The following SAFB variants were observed in gnomAD, a reference collection of about 807,000 sequenced individuals.
SAFB encodes the protein scaffold attachment factor B1.
SAFB carries 15 observed loss-of-function variants against 101.6 expected under a neutral mutation model. The ratio of observed to expected loss-of-function variants is 0.15; its 90% CI spans 0.10 to 0.23. The LOEUF (loss-of-function observed/expected upper bound fraction) is 0.23. SAFB is among the 10% of genes least tolerant of loss of function. The pLI is 1.00. For synonymous variants in SAFB, 449 were observed against 407.5 expected, an observed-to-expected ratio of 1.10 and a Z score of -1.23; for missense variants, 930 against 1,104.1, an observed-to-expected ratio of 0.84 and a Z score of 2.23.
intron 2 of SAFB, among the ~76,000 whole-genome samples, chr19:5,630,674 T>A (rs1027958802): frequency 6.6e-6 from 1 of 151,110 alleles, no homozygotes; most frequent in Non-Finnish European, 1.5e-5. Context: ...GAAAATCGCT[T>A]GAACCCGGGA....
At position 5,661,775 on chromosome 19, in the gene SAFB, G is replaced by A. The variant is rs758546855; in HGVS notation, c.2120G>A (p.Arg707Gln). Residue 707 changes from arginine to glutamine, a missense_variant, in exon 15 of 21, where the codon CGG (arginine) becomes CAG (glutamine). Around this residue, in one of 7 missense-constraint regions of SAFB, gnomAD observed 318 missense variants for 342.6 expected, o/e 0.93. Transcript: ENST00000588852. ...QQELRYEQER[R>Q]PAVRRPYDLD... ...GAACTGCGCTATGAGCAGGAGCGGC[G>A]GCCCGCGGTGCGGCGGCCCTACGAC... The A allele has an allele frequency of 9.6e-6, 15 of 1,567,644 alleles. No homozygotes were observed. Among genetic ancestry groups the A allele is most frequent in the African/African-American group, 1.3e-5 (1 of 74,158 alleles).
Position 5,664,692 on chromosome 19 carries a change from C to T in SAFB, c.2334+253C>T, listed in dbSNP as rs80252637. The T allele has an allele frequency of 5.0e-4, 223 of 447,392 alleles. 3 individuals carry two copies. Among genetic ancestry groups the T allele is most frequent in the South Asian group, 1.2e-3 (54 of 46,838 alleles). The allele number at this position is 447,392 out of a possible 1,614,324, so 27.7% of individuals were successfully genotyped here. A position where few individuals can be genotyped will look rare whatever the true frequency, so the allele number is the denominator to read the frequency against. On this transcript the variant is annotated intron_variant, in intron 17 of 20. Transcript: ENST00000588852. ...CCTGGGGTTCTGTGTGCCACACTCACCACACATGTGCAACAGTGCCAGGGA... is the reference window on the plus strand; with the variant it reads ...CCTGGGGTTCTGTGTGCCACACTCATCACACATGTGCAACAGTGCCAGGGA...
chr19:5,638,817 G>A (rs1006362873), intron 2 of SAFB, among the ~76,000 whole-genome samples: 1 of 150,084 alleles, frequency 6.7e-6, no homozygotes, highest in Non-Finnish European at 1.5e-5. Context: ...CACTTCCCGG[G>A]TTCAAGCGAT....
intron 17 of SAFB, chr19:5,665,449 G>T (rs1483533208): frequency 6.6e-6 from 1 of 151,830 alleles, no homozygotes; most frequent in East Asian, 1.9e-4. Flanking sequence ...GGTGGTGGGG[G>T]TTTACATGAG....
intron 2 of SAFB, among the ~76,000 whole-genome samples, chr19:5,628,491 C>G (rs2053417545): frequency 6.6e-6 from 1 of 152,088 alleles, no homozygotes; most frequent in African/African-American, 2.4e-5. Flanking sequence ...GTGCATGAAA[C>G]AAAACTTTCA....
Position 5,667,705 on chromosome 19 carries a change from C to T in SAFB, c.2558-115C>T. ...CTGTGCCCAGGTGTCTTCCTGGGACCCGCTAGTTGTGGGTACCTGGGGGCC... is the reference window on the plus strand; with the variant it reads ...CTGTGCCCAGGTGTCTTCCTGGGACTCGCTAGTTGTGGGTACCTGGGGGCC... On this transcript the variant is annotated intron_variant, in intron 19 of 20. Coordinates refer to ENST00000588852, the MANE Select transcript of SAFB (RefSeq NM_001201338.2). The surrounding 1 kb of genome is among the most constrained non-coding windows in gnomAD (Gnocchi z 4.0). 3.0e-6 allele frequency: 3 copies of T among 987,412 alleles called. No individual in the cohort carries two copies. Among genetic ancestry groups the T allele is most frequent in the Non-Finnish European group, 4.7e-6 (3 of 638,224 alleles). 61.2% of individuals were successfully genotyped at this position (987,412 alleles called of 1,614,324 possible). A position where few individuals can be genotyped will look rare whatever the true frequency, so the allele number is the denominator to read the frequency against.
chr19:5,667,595 T>G lies in SAFB; in HGVS notation c.2557+145T>G. 1.4e-6 allele frequency: 1 copy of G among 706,564 alleles called. No homozygotes were observed. The highest frequency in any genetic ancestry group is 2.4e-6 in the Non-Finnish European group (1 of 416,284). The allele number at this position is 706,564 out of a possible 1,614,324, so 43.8% of individuals were successfully genotyped here. A position where few individuals can be genotyped will look rare whatever the true frequency, so the allele number is the denominator to read the frequency against. ...AATGAAGAGCACTCCAGACACCGCC[T>G]GCTCTCTGGTGGTCTGGCCCAGGAG... On this transcript the variant is annotated intron_variant, in intron 19 of 20. Coordinates refer to ENST00000588852, the MANE Select transcript of SAFB (RefSeq NM_001201338.2). The surrounding 1 kb of genome is among the most constrained non-coding windows in gnomAD (Gnocchi z 4.0).
chr19:5,628,426 A>C (rs2053416267), intron 2 of SAFB, among the ~76,000 whole-genome samples: 1 of 152,208 alleles, frequency 6.6e-6, no homozygotes, highest in Non-Finnish European at 1.5e-5. Context: ...TCTAAACAAG[A>C]AATTTGTTTC....
At chr19:5,627,314 A>G (rs550934223) in intron 2 of SAFB, among the ~76,000 whole-genome samples, 2 of 152,138 alleles carry the variant, frequency 1.3e-5, no homozygotes, top group Admixed American at 1.3e-4. Context: ...ACTGCCAAAA[A>G]AAAAAAGTAC....
intron 2 of SAFB, among the ~76,000 whole-genome samples, chr19:5,626,846 G>GACC (rs1332813297): frequency 1.3e-5 from 2 of 152,182 alleles, no homozygotes; most frequent in East Asian, 3.8e-4. Flanking sequence ...GGGAGTTCAA[G>GACC]ACCAGCCTGG....
chr19:5,650,578 A>AT (rs1297904346), intron 8 of SAFB, among the ~76,000 whole-genome samples: 1 of 151,878 alleles, frequency 6.6e-6, no homozygotes, highest in African/African-American at 2.4e-5. Flanking sequence ...CACCCAGCTG[A>AT]TTTTTTGTAT....
chr19:5,642,651 CTTTTTT>C (rs767488519), intron 4 of SAFB, among the ~76,000 whole-genome samples: 59 of 70,850 alleles, frequency 8.3e-4, no homozygotes, highest in Middle Eastern at 0.014. Context: ...CCCTTCCTTT[CTTTTTT>C]TTTTTTTTTT....
chr19:5,654,499 C>T lies in SAFB; in HGVS notation c.1755+43C>T, dbSNP rs1370499165. On this transcript the variant is annotated intron_variant, in intron 13 of 20. Coordinates refer to ENST00000588852, the MANE Select transcript of SAFB (RefSeq NM_001201338.2). ...AACTAGGGTATTTTGCTCTTCTTTT[C>T]AGTTTGTATTTCTGTGTGCGTCTTA... The T allele has an allele frequency of 7.7e-6, 9 of 1,166,212 alleles. No homozygotes were observed. In the South Asian group the frequency reaches 8.5e-5, roughly 11 times the overall value. The allele number at this position is 1,166,212 out of a possible 1,614,324, so 72.2% of individuals were successfully genotyped here.
intron 8 of SAFB, 74 bp from the exon 9 acceptor site, chr19:5,650,904 T>C (rs1176825441): frequency 1.0e-6 from 1 of 975,056 alleles, no homozygotes; most frequent in Admixed American, 2.2e-5. Context: ...CCATGTCTCT[T>C]TTGGAAAGGT....
chr19:5,657,487 T>C lies in SAFB; in HGVS notation c.1862+140T>C, dbSNP rs375754169. ...CTCCTTCAGCTTTCAGTTCATAGACTTGTTATGTTTTAACTTTCATCCTAC... is the reference window on the plus strand; with the variant it reads ...CTCCTTCAGCTTTCAGTTCATAGACCTGTTATGTTTTAACTTTCATCCTAC... On this transcript the variant is annotated intron_variant, in intron 14 of 20. Transcript: ENST00000588852. 5.2e-4 allele frequency: 308 copies of C among 596,132 alleles called. 1 individual carries two copies. In the East Asian group the frequency reaches 6.1e-3, roughly 12 times the overall value. 36.9% of individuals were successfully genotyped at this position (596,132 alleles called of 1,614,324 possible). A position where few individuals can be genotyped will look rare whatever the true frequency, so the allele number is the denominator to read the frequency against.
At chr19:5,637,299 G>A (rs527746420) in intron 2 of SAFB, among the ~76,000 whole-genome samples, 114 of 148,160 alleles carry the variant, frequency 7.7e-4, no homozygotes, top group East Asian at 2.9e-3. Context: ...AGCCAAGATC[G>A]TGCCACTGCT....
At chr19:5,648,099 C>G in intron 6 of SAFB, 56 bp downstream of exon 6, 1 of 1,392,858 alleles carries the variant, frequency 7.2e-7, no homozygotes, top group African/African-American at 1.4e-5. Flanking sequence ...TAGTTTTCCA[C>G]CTTCTCTAAT....
At position 5,648,021 on chromosome 19, in the gene SAFB, T is replaced by G. The variant is rs201737591; in HGVS notation, c.615T>G (p.Ile205Met). 2.5e-6 allele frequency: 4 copies of G among 1,613,656 alleles called. No individual in the cohort carries two copies. The highest frequency in any genetic ancestry group is 3.3e-5 in the Admixed American group (2 of 60,004). ...ATTTACGTTTTTTCTTGCAGGAAAT[T>G]GAAGAGCCATCCCTGGAGCCAGGTA... is the stretch of plus-strand genomic sequence containing the variant. ...SSSDFTILQE[I>M]EEPSLEPENE... The change falls in exon 6 of 21, where the codon ATT becomes ATG. Residue 205 changes from isoleucine (I) to methionine (M), a missense_variant. Physicochemically the swap from Ile to Met is conservative, Grantham distance 10. Coordinates refer to ENST00000588852, the MANE Select transcript of SAFB (RefSeq NM_001201338.2).
Position 5,668,166 on chromosome 19 carries a change from G to A in SAFB, c.2629G>A (p.Gly877Ser), listed in dbSNP as rs781691891. Residue 877 changes from glycine to serine, a missense_variant, in exon 21 of 21, where the codon GGC becomes AGC. Transcript: ENST00000588852. Reference sequence around the variant, plus strand: ...CCAATGTGAATTTGTTCCTAGGCGCGGCAGCTTTGCCCCAGGCGGGGCCTC... The same window carrying A: ...CCAATGTGAATTTGTTCCTAGGCGCAGCAGCTTTGCCCCAGGCGGGGCCTC... ...MMNRGGMSGRGSFAPGGASRG... is the reference protein window; with the variant it reads ...MMNRGGMSGRSSFAPGGASRG... 3.1e-6 allele frequency: 5 copies of A among 1,606,530 alleles called. No individual in the cohort carries two copies. The highest frequency in any genetic ancestry group is 1.7e-4 in the Middle Eastern group (1 of 6,034).
Sources: allele counts gnomAD v4.1 joint callset (sites outside exome capture counted in the v4.1 genomes callset), GRCh38; gene constraint gnomAD v4.1.1; regional missense constraint gnomAD v4.1.1; non-coding constraint Gnocchi (gnomAD v3.1); transcripts MANE v1.5; gene names NCBI Gene and HGNC (gene_info 2026-07-23, HGNC 2026-07-21).